Variants in RCOR1 observed in about 807,000 individuals in gnomAD.
RCOR1 encodes REST corepressor.
In RCOR1, 12 loss-of-function variants were observed where a neutral mutation model predicts 64.0. That is an observed-to-expected ratio of 0.19 (90% CI 0.12 to 0.30). The LOEUF is 0.30. Ranked by LOEUF, RCOR1 falls within the 10% of genes least tolerant of loss-of-function variation. RCOR1 has a pLI of 1.00. For missense variants in RCOR1, 502 were observed against 621.2 expected, an observed-to-expected ratio of 0.81 and a Z score of 2.04; for synonymous variants, 279 against 227.2, an observed-to-expected ratio of 1.23 and a Z score of -2.05.
At position 102,728,333 on chromosome 14, in the gene RCOR1, A is replaced by G. The variant is rs1896310469; in HGVS notation, c.*1827A>G. ...CGGATTGCTGCTGCTACCTGGAGAC[A>G]GGGTTAGCAAAATAACACTAGTGAT... On this transcript the variant is annotated 3_prime_UTR_variant, in exon 12 of 12. Transcript: ENST00000262241. 6.6e-6 allele frequency: 1 copy of G among 152,166 alleles called. No homozygotes were observed. Among genetic ancestry groups the G allele is most frequent in the South Asian group, 2.1e-4 (1 of 4,820 alleles). 9.4% of individuals were successfully genotyped at this position (152,166 alleles called of 1,614,324 possible).
At chr14:102,596,178 C>T (rs1034655326) in intron 2 of RCOR1, among the ~76,000 whole-genome samples, 2 of 151,092 alleles carry the variant, frequency 1.3e-5, no homozygotes, top group Non-Finnish European at 3.0e-5. Context: ...CTGGGCTCAC[C>T]GCAACCTCTG....
intron 2 of RCOR1, among the ~76,000 whole-genome samples, chr14:102,680,456 A>T (rs1026135237): frequency 6.6e-6 from 1 of 152,062 alleles, no homozygotes; most frequent in South Asian, 2.1e-4. Flanking sequence ...CTTTTGTTTT[A>T]GATTCTTTGT....
chr14:102,710,746 T>G, intron 6 of RCOR1, 189 bp from the exon 7 acceptor site: 1 of 570,480 alleles, frequency 1.8e-6, no homozygotes, highest in Non-Finnish European at 3.1e-6. Flanking sequence ...ACTATGGAGT[T>G]GGTATTCTGT....
intron 2 of RCOR1, among the ~76,000 whole-genome samples, chr14:102,631,049 T>G (rs1894100864): frequency 6.6e-6 from 1 of 152,078 alleles, no homozygotes; most frequent in African/African-American, 2.4e-5. Context: ...AAACAGAAAC[T>G]GCCAGTTCTT....
At chr14:102,597,119 C>G (rs1458192054) in intron 2 of RCOR1, among the ~76,000 whole-genome samples, 2 of 151,788 alleles carry the variant, frequency 1.3e-5, no homozygotes, top group Non-Finnish European at 2.9e-5. Context: ...GTGATCTGCC[C>G]CCCTCGGCCT....
At chr14:102,701,231 T>C (rs1486013168) in intron 3 of RCOR1, 47 bp from the exon 4 acceptor site, 2 of 1,455,244 alleles carry the variant, frequency 1.4e-6, no homozygotes, top group South Asian at 1.1e-5. Flanking sequence ...CCATAGGGTG[T>C]ACTCTGTCCC....
chr14:102,672,237 G>T (rs1895044808), intron 2 of RCOR1, among the ~76,000 whole-genome samples: 2 of 152,000 alleles, frequency 1.3e-5, no homozygotes, highest in Non-Finnish European at 2.9e-5. Flanking sequence ...TTTTGAGATG[G>T]AGTCTCGCTC....
At chr14:102,718,786 G>T (rs1290638463) in intron 8 of RCOR1, among the ~76,000 whole-genome samples, 1 of 152,074 alleles carries the variant, frequency 6.6e-6, no homozygotes, top group Non-Finnish European at 1.5e-5. Context: ...GCGGGGGGAA[G>T]GGGGCGTATT....
At chr14:102,714,684 A>G (rs757594828) in intron 8 of RCOR1, 67 bp downstream of exon 8, 394 of 1,225,090 alleles carry the variant, frequency 3.2e-4, no homozygotes, top group Non-Finnish European at 4.1e-4. Flanking sequence ...TCTGTTATTC[A>G]TATATGTGAA....
intron 2 of RCOR1, among the ~76,000 whole-genome samples, chr14:102,641,410 G>A (rs183534026): frequency 2.8e-4 from 43 of 152,054 alleles, no homozygotes; most frequent in Admixed American, 4.6e-4. Context: ...GACCAACCTG[G>A]GCAACATGGC....
At chr14:102,702,670 A>G (rs1416164505) in intron 4 of RCOR1, among the ~76,000 whole-genome samples, 1 of 152,152 alleles carries the variant, frequency 6.6e-6, no homozygotes, top group African/African-American at 2.4e-5. Flanking sequence ...TTCAGTTTAT[A>G]CTCAGGCTGA....
At chr14:102,705,748 A>C (rs1895839786) in intron 4 of RCOR1, among the ~76,000 whole-genome samples, 1 of 152,122 alleles carries the variant, frequency 6.6e-6, no homozygotes, top group East Asian at 1.9e-4. Context: ...TGTGAGCCAC[A>C]ACACCCAGCC....
intron 2 of RCOR1, among the ~76,000 whole-genome samples, chr14:102,670,334 T>C (rs1037810012): frequency 6.6e-6 from 1 of 152,178 alleles, no homozygotes; most frequent in South Asian, 2.1e-4. Context: ...TGTGTCCTTT[T>C]TATATAGGTA....
chr14:102,705,816 A>G (rs1228730533), intron 4 of RCOR1, among the ~76,000 whole-genome samples: 2 of 152,132 alleles, frequency 1.3e-5, no homozygotes, highest in African/African-American at 4.8e-5. Context: ...TAAATCTTTC[A>G]CTATAAATAA....
At chr14:102,708,211 C>T (rs1240424084) in intron 5 of RCOR1, among the ~76,000 whole-genome samples, 3 of 151,740 alleles carry the variant, frequency 2.0e-5, no homozygotes, top group Non-Finnish European at 2.9e-5. Context: ...GTGATCCACC[C>T]GCCTCGGCCT....
At chr14:102,657,994 A>C in intron 2 of RCOR1, 1 of 942,572 alleles carries the variant, frequency 1.1e-6, no homozygotes. Context: ...ATTTATTTTG[A>C]GACAGAGTCT....
chr14:102,726,474 G>A lies in RCOR1; in HGVS notation c.1426G>A (p.Val476Ile). ...KMPEEEDEAP[V>I]LDVRYASAS The stretch of plus-strand genomic sequence containing the variant: ...TTTTTCCTCTTGGCCTCAGGCTCCT[G>A]TTCTGGATGTCAGATATGCATCTGC... Residue 476 changes from valine (V) to isoleucine (I), a missense_variant, in exon 12 of 12, where the codon GTT becomes ATT. Physicochemically the swap from Val to Ile is conservative, Grantham distance 29. Transcript: ENST00000262241. 1 of 1,563,272 alleles carries A rather than the reference G, an allele frequency of 6.4e-7. No homozygotes were observed.
chr14:102,663,779 G>A (rs929977682), intron 2 of RCOR1, among the ~76,000 whole-genome samples: 1 of 152,154 alleles, frequency 6.6e-6, no homozygotes, highest in Non-Finnish European at 1.5e-5. Flanking sequence ...GAAGTGTTTT[G>A]TCTTTGTTTA....
At chr14:102,637,826 T>G (rs769751247) in intron 2 of RCOR1, among the ~76,000 whole-genome samples, 4 of 152,238 alleles carry the variant, frequency 2.6e-5, no homozygotes, top group Non-Finnish European at 5.9e-5. Flanking sequence ...AAAAGTTATC[T>G]GAACAAAGGG....
Sources: gnomAD v4.1 joint callset for allele counts (sites outside exome capture counted in the v4.1 genomes callset) on GRCh38, gnomAD v4.1.1 for gene constraint, MANE v1.5 for transcripts, NCBI Gene and HGNC (gene_info 2026-07-23, HGNC 2026-07-21) for gene names.